Variants in PGM3 observed in about 807,000 individuals in gnomAD.
The protein encoded by PGM3 is phosphoacetylglucosamine mutase.
In PGM3, 40 loss-of-function variants were observed where a neutral mutation model predicts 66.2. The observed-to-expected ratio is 0.60, with a 90% CI of 0.47 to 0.79. The LOEUF is 0.79. Among genes scored for constraint, PGM3 ranks in the 30% least tolerant of loss-of-function variants. PGM3 has a pLI of 0.00. For missense variants in PGM3, 537 were observed against 643.4 expected, an observed-to-expected ratio of 0.83 and a Z score of 1.79; for synonymous variants, 191 against 224.2, an observed-to-expected ratio of 0.85 and a Z score of 1.32.
intron 11 of PGM3, among the ~76,000 whole-genome samples, chr6:83,171,648 G>A (rs1259515205): frequency 1.3e-5 from 2 of 148,318 alleles, no homozygotes; most frequent in Admixed American, 6.7e-5. Context: ...GTGCCACCAC[G>A]CCCAGCTAAT....
chr6:83,166,761 T>G lies in PGM3; in HGVS notation c.*2473A>C, dbSNP rs2128460119. ...CACATAGAAGAAAATAAGCTGGATT[T>G]TGCATCTGCTTGACCCACTAGGAAA... is the stretch of plus-strand genomic sequence containing the variant. On this transcript the variant is annotated 3_prime_UTR_variant, in exon 13 of 13. Transcript: ENST00000513973. The G allele has an allele frequency of 1.8e-6, 2 of 1,098,180 alleles. No individual in the cohort carries two copies. The highest frequency in any genetic ancestry group is 3.3e-5 in the African/African-American group (2 of 61,206). 68.0% of individuals were successfully genotyped at this position (1,098,180 alleles called of 1,614,324 possible). A position where few individuals can be genotyped will look rare whatever the true frequency, so the allele number is the denominator to read the frequency against.
chr6:83,164,213 A>C (rs1236391480), downstream of PGM3, among the ~76,000 whole-genome samples: 1 of 151,040 alleles, frequency 6.6e-6, no homozygotes, highest in Non-Finnish European at 1.5e-5. Flanking sequence ...GAATGAAGAA[A>C]GTGATTAAAG....
chr6:83,148,897 A>C, the PGM3 span: 5 of 1,296,820 alleles, frequency 3.9e-6, no homozygotes, highest in Non-Finnish European at 5.2e-6. Context: ...TTTCAAATAA[A>C]AGGATAATGT....
At chr6:83,173,912 A>G (rs1787541651) in intron 10 of PGM3, among the ~76,000 whole-genome samples, 1 of 151,782 alleles carries the variant, frequency 6.6e-6, no homozygotes, top group South Asian at 2.1e-4. Context: ...AATTTTTTGT[A>G]TTTTTAGTAG....
chr6:83,171,916 A>G (rs1328284009), intron 11 of PGM3, 21 bp downstream of exon 11: 1 of 1,592,626 alleles, frequency 6.3e-7, no homozygotes, highest in East Asian at 2.2e-5. Flanking sequence ...CAAAAAAGTT[A>G]CTTTAAAGTT....
At chr6:83,173,419 A>G (rs572133564) in intron 10 of PGM3, among the ~76,000 whole-genome samples, 26 of 152,348 alleles carry the variant, frequency 1.7e-4, no homozygotes, top group African/African-American at 6.3e-4. Context: ...TCTTTTTATA[A>G]ATAGATCCCT....
At chr6:83,163,991 C>G (rs1004999513), downstream of PGM3, among the ~76,000 whole-genome samples, 2 of 151,562 alleles carry the variant, frequency 1.3e-5, no homozygotes, top group African/African-American at 4.9e-5. Context: ...CTGGTATGCT[C>G]ACCATTGGGC....
downstream of PGM3, chr6:83,162,744 C>A: frequency 1.9e-6 from 3 of 1,558,128 alleles, no homozygotes; most frequent in South Asian, 1.2e-5. Flanking sequence ...TCTTAGATGG[C>A]ACAAAGTCTG....
the PGM3 span, among the ~76,000 whole-genome samples, chr6:83,149,284 A>G: frequency 6.6e-6 from 1 of 152,236 alleles, no homozygotes; most frequent in East Asian, 1.9e-4. Context: ...TATCTTAGTG[A>G]TTTATATGAT....
chr6:83,171,904 T>A, intron 11 of PGM3, 33 bp downstream of exon 11: 1 of 1,557,286 alleles, frequency 6.4e-7, no homozygotes, highest in African/African-American at 1.4e-5. Flanking sequence ...TTAGCTAATA[T>A]TCAAAAAAGT....
chr6:83,193,663 G>T (rs1250845399), upstream of PGM3, among the ~76,000 whole-genome samples: 3 of 152,188 alleles, frequency 2.0e-5, no homozygotes, highest in East Asian at 5.8e-4. Flanking sequence ...CGCCCACAGT[G>T]AGCGCCGCCG....
downstream of PGM3, chr6:83,160,043 T>C: frequency 7.4e-7 from 1 of 1,359,934 alleles, no homozygotes; most frequent in South Asian, 1.3e-5. Context: ...AATTAAAAAG[T>C]TTTTTGTGTA....
At chr6:83,186,688 C>G (rs1207400182) in intron 4 of PGM3, among the ~76,000 whole-genome samples, 1 of 152,060 alleles carries the variant, frequency 6.6e-6, no homozygotes, top group Non-Finnish European at 1.5e-5. Flanking sequence ...TAAAAGCTCC[C>G]CAGAATGATC....
rs1296404428 is a variant in PGM3, at chr6:83,166,536, A to G, written c.*2698T>C. 7.5e-6 allele frequency: 5 copies of G among 667,950 alleles called. No homozygotes were observed. The highest frequency in any genetic ancestry group is 1.7e-5 in the South Asian group (1 of 57,638). 41.4% of individuals were successfully genotyped at this position (667,950 alleles called of 1,614,324 possible). On this transcript the variant is annotated 3_prime_UTR_variant, in exon 13 of 13. Coordinates refer to ENST00000513973, the MANE Select transcript of PGM3 (RefSeq NM_015599.3). ...ATCATTTCCATAGTCTAAAATAAAT[A>G]TAAACAGCAATAAGTCATTAGCAAA...
rs1244898415 is a variant in PGM3, at chr6:83,179,815, C to T, written c.940G>A (p.Val314Met). ...AGCCAATCCCCCCACCATACCTCCA[C>T]CAGGAGCTCTTTAAGGAAACTGCTA... ...LISSFLKELL[V>M]EIGESLNIGV... is the part of the protein sequence containing the mutation. The change falls in exon 7 of 13, where the codon GTG becomes ATG. Residue 314 changes from valine to methionine, a missense_variant. Physicochemically the swap from Val to Met is conservative, Grantham distance 21. Transcript: ENST00000513973. 3.1e-6 allele frequency: 5 copies of T among 1,608,090 alleles called. No homozygotes were observed. The highest frequency in any genetic ancestry group is 2.2e-5 in the East Asian group (1 of 44,680).
the PGM3 span, chr6:83,148,745 A>C: frequency 2.6e-6 from 4 of 1,512,828 alleles, no homozygotes; most frequent in East Asian, 9.9e-5. Context: ...TGTATAAACT[A>C]TATTATCTTG....
At position 83,174,409 on chromosome 6, in the gene PGM3, T is replaced by C. The variant is rs1455919283; in HGVS notation, c.1207A>G (p.Lys403Glu). The C allele has an allele frequency of 6.2e-7, 1 of 1,606,348 alleles. No homozygotes were observed. The highest frequency in any genetic ancestry group is 1.1e-5 in the South Asian group (1 of 90,436). Reference sequence around the variant, plus strand: ...AAGTCAATAATGTTTTCAAGCATCTTAGCAGCTTTTCTTTTCTTATCTTCC... The same window carrying C: ...AAGTCAATAATGTTTTCAAGCATCTCAGCAGCTTTTCTTTTCTTATCTTCC... ...QLEDKKRKAA[K>E]MLENIIDLFN... Residue 403 changes from lysine (K) to glutamate (E), a missense_variant, in exon 10 of 13, where the codon AAG (lysine) becomes GAG (glutamate). Physicochemically the swap from Lys to Glu is moderately conservative, Grantham distance 56 (BLOSUM62 1). Coordinates refer to ENST00000513973, the MANE Select transcript of PGM3 (RefSeq NM_015599.3).
intron 8 of PGM3, among the ~76,000 whole-genome samples, chr6:83,176,997 G>T (rs1787819209): frequency 6.6e-6 from 1 of 152,108 alleles, no homozygotes; most frequent in Non-Finnish European, 1.5e-5. Context: ...TAAACTAGCA[G>T]CCTCAAGATA....
At position 83,164,886 on chromosome 6, in the gene PGM3, A is replaced by G. The variant is rs1405293266; in HGVS notation, c.*4348T>C. ...AAGGAGAAATCATTTGTATGGAAAC[A>G]TTTGACTTTATTTAATATTGAGACA... On this transcript the variant is annotated 3_prime_UTR_variant, in exon 13 of 13. Transcript: ENST00000513973. 1.9e-5 allele frequency: 11 copies of G among 584,744 alleles called. No individual in the cohort carries two copies. The highest frequency in any genetic ancestry group is 3.1e-5 in the Non-Finnish European group (10 of 327,204). The allele number at this position is 584,744 out of a possible 1,614,324, so 36.2% of individuals were successfully genotyped here. A position where few individuals can be genotyped will look rare whatever the true frequency, so the allele number is the denominator to read the frequency against.
Sources: gnomAD v4.1 joint callset for allele counts (sites outside exome capture counted in the v4.1 genomes callset) on GRCh38, gnomAD v4.1.1 for gene constraint, MANE v1.5 for transcripts, NCBI Gene and HGNC (gene_info 2026-07-23, HGNC 2026-07-21) for gene names.